MAST3: variants seen among roughly 807,000 people sequenced by gnomAD.
MAST3 encodes the protein microtubule associated serine/threonine kinase 3.
MAST3 carries 43 observed loss-of-function variants against 127.0 expected under a neutral mutation model. The observed-to-expected ratio is 0.34, with a 90% confidence interval of 0.27 to 0.44. The LOEUF (loss-of-function observed/expected upper bound fraction) is 0.44, where lower values mean the gene tolerates loss of function less well. MAST3 is among the 20% of genes least tolerant of loss of function. The pLI is 1.00. For synonymous variants in MAST3, 785 were observed against 809.2 expected (o/e 0.97, Z 0.51); for missense variants, 1,390 against 1,919.1 (o/e 0.72, Z 5.15).
chr19:18,116,357 A>G (rs894083175), intron 3 of MAST3, among the ~76,000 whole-genome samples: 3 of 150,356 alleles, frequency 2.0e-5, no homozygotes, highest in South Asian at 4.2e-4. Context: ...CAATGGTGCT[A>G]TCTCAGCTCA....
chr19:18,146,626 G>A (rs1237760376), intron 25 of MAST3, among the ~76,000 whole-genome samples: 3 of 152,128 alleles, frequency 2.0e-5, no homozygotes, highest in Middle Eastern at 3.2e-3. Context: ...GACAGACCCC[G>A]GGAGGGTGGA....
intron 5 of MAST3, chr19:18,122,145 A>C (rs1041196170): frequency 1.3e-6 from 1 of 749,248 alleles, no homozygotes; most frequent in African/African-American, 1.8e-5. Flanking sequence ...CAACCAGCCC[A>C]GGGGGTGGGG....
intron 3 of MAST3, chr19:18,117,955 GCCCCGCCCCC>G (rs2039473657): frequency 4.6e-6 from 1 of 217,164 alleles, no homozygotes; most frequent in African/African-American, 2.4e-5. Flanking sequence ...CTCCCGACAG[GCCCCGCCCCC>G]AACGGCCCCG....
chr19:18,147,381 G>T, intron 26 of MAST3, 62 bp from the exon 27 acceptor site: 1 of 1,474,310 alleles, frequency 6.8e-7, no homozygotes, highest in East Asian at 2.3e-5. Flanking sequence ...GGGATTACAG[G>T]TGTGAGCCAC....
In MAST3 at chr19:18,145,090, G is replaced by T. The variant is rs752684786; in HGVS notation, c.2900G>T (p.Arg967Leu). The change falls in exon 24 of 28, where the codon CGA (arginine) becomes CTA (leucine). Residue 967 changes from arginine to leucine, a missense_variant. Arg to Leu is a moderately radical substitution (Grantham distance 102, BLOSUM62 -2). This residue lies in a region of MAST3 where 816 missense variants were observed against 934.1 expected (regional missense o/e 0.87). Transcript: ENST00000687212. This position sits in a 1 kb window ranked among gnomAD's most constrained non-coding sequence, Gnocchi z 5.9. ...TCGTCCCGTGACTCTTCGCCGAGCC[G>T]AGACCCGTCCCCCGTGTGTGGCAGC... Reference protein sequence around the residue: ...NPSSRDSSPSRDPSPVCGSLR... With the variant: ...NPSSRDSSPSLDPSPVCGSLR... 6.2e-7 allele frequency: 1 copy of T among 1,613,404 alleles called. No individual in the cohort carries two copies. The highest frequency in any genetic ancestry group is 1.7e-5 in the Admixed American group (1 of 59,994).
At chr19:18,146,440 C>T (rs2043019744) in intron 25 of MAST3, among the ~76,000 whole-genome samples, 1 of 152,090 alleles carries the variant, frequency 6.6e-6, no homozygotes, top group Admixed American at 6.6e-5. Context: ...GAGTGAGACC[C>T]TCCCTGGTTC....
rs2043330046 is a variant in MAST3, at chr19:18,149,106, TAGCAG to T, written c.3509-84_3509-80del. 2 of 1,349,496 alleles carry T rather than the reference TAGCAG, an allele frequency of 1.5e-6. No homozygotes were observed. Among genetic ancestry groups the T allele is most frequent in the Admixed American group, 7.4e-5 (2 of 26,984 alleles). 83.6% of individuals were successfully genotyped at this position (1,349,496 alleles called of 1,614,324 possible). ...TGGCCACATGGAAGGATGTGGGCTT[TAGCAG>T]TTTTTGTCAGTCCCACAGCTCCACT... On this transcript the variant is annotated intron_variant, in intron 27 of 27. Transcript: ENST00000687212. This position sits in a 1 kb window ranked among gnomAD's most constrained non-coding sequence, Gnocchi z 5.9.
intron 17 of MAST3, 71 bp from the exon 18 acceptor site, chr19:18,135,669 T>C (rs1199709010): frequency 1.2e-4 from 138 of 1,135,226 alleles, no homozygotes; most frequent in Non-Finnish European, 3.9e-6. Flanking sequence ...GGGGAAATGG[T>C]GGATGGTACT....
chr19:18,134,646 A>T lies in MAST3; in HGVS notation c.1639A>T (p.Ser547Cys). 1.2e-6 allele frequency: 2 copies of T among 1,613,482 alleles called. No individual in the cohort carries two copies. The highest frequency in any genetic ancestry group is 1.7e-6 in the Non-Finnish European group (2 of 1,179,714). The stretch of plus-strand genomic sequence containing the variant: ...CGGCCTGTCCAAGATCGGCCTCATG[A>T]GCATGGCCACCAACCTCTATGAGGG... ...DFGLSKIGLM[S>C]MATNLYEGHI... is the part of the protein sequence containing the mutation. The change falls in exon 16 of 28, where the codon AGC becomes TGC. Residue 547 changes from serine to cysteine, a missense_variant. Physicochemically the swap from Ser to Cys is moderately radical, Grantham distance 112. Coordinates refer to ENST00000687212, the MANE Select transcript of MAST3 (RefSeq NM_001393504.1).
chr19:18,123,165 CCA>C, intron 6 of MAST3, 50 bp from the exon 7 acceptor site: 1 of 1,599,624 alleles, frequency 6.3e-7, no homozygotes, highest in Non-Finnish European at 8.5e-7. Context: ...GGGTTCCTGG[CCA>C]CAGCACTGAC....
In MAST3 at chr19:18,097,786, C is replaced by A; in HGVS notation, c.-7C>A. On this transcript the variant is annotated 5_prime_UTR_variant, in exon 1 of 28. Coordinates refer to ENST00000687212, the MANE Select transcript of MAST3 (RefSeq NM_001393504.1). ...GGGGCGGGCCTGGCGGCGCGGACTC[C>A]CGGGCCATGGACGAGTCGAGCCTCC... The A allele has an allele frequency of 8.2e-7, 1 of 1,219,192 alleles. No individual in the cohort carries two copies. The highest frequency in any genetic ancestry group is 1.0e-6 in the Non-Finnish European group (1 of 979,980). 75.5% of individuals were successfully genotyped at this position (1,219,192 alleles called of 1,614,324 possible). A position where few individuals can be genotyped will look rare whatever the true frequency, so the allele number is the denominator to read the frequency against.
chr19:18,105,292 G>A (rs112982174), intron 1 of MAST3, among the ~76,000 whole-genome samples: 6 of 152,188 alleles, frequency 3.9e-5, no homozygotes, highest in African/African-American at 1.2e-4. Context: ...GCTTGAACCC[G>A]AGAGGCAGAG....
chr19:18,122,886 C>T, intron 6 of MAST3, 135 bp downstream of exon 6: 1 of 1,002,348 alleles, frequency 1.0e-6, no homozygotes, highest in Non-Finnish European at 1.5e-6. Flanking sequence ...CCATGCACGC[C>T]CCATTCTGGG....
Position 18,122,760 on chromosome 19 carries a change from A to T in MAST3, c.399+9A>T, listed in dbSNP as rs375719384. On this transcript the variant is annotated intron_variant, in intron 6 of 27. Coordinates refer to ENST00000687212, the MANE Select transcript of MAST3 (RefSeq NM_001393504.1). ...CCAGCTCCACCCTCTCGGTACCCAT[A>T]GCCCCACCTTGGCAGGTGGACAGGC... 3 of 1,612,202 alleles carry T rather than the reference A, an allele frequency of 1.9e-6. No individual in the cohort carries two copies. The highest frequency in any genetic ancestry group is 1.7e-6 in the Non-Finnish European group (2 of 1,179,180).
In MAST3 at chr19:18,149,728, C is replaced by T. The variant is rs749658785; in HGVS notation, c.*2C>T. The T allele has an allele frequency of 6.2e-6, 10 of 1,611,504 alleles. No homozygotes were observed. In the African/African-American group the frequency reaches 8.0e-5, roughly 13 times the overall value. On this transcript the variant is annotated 3_prime_UTR_variant, in exon 28 of 28. Coordinates refer to ENST00000687212, the MANE Select transcript of MAST3 (RefSeq NM_001393504.1). The surrounding 1 kb of genome is among the most constrained non-coding windows in gnomAD (Gnocchi z 5.9). The stretch of plus-strand genomic sequence containing the variant: ...CTCGGGCCCACCGGAAGAGACTGAT[C>T]CCCTGCCAGGTCTCTCCCTGGCATC...
At chr19:18,123,427 G>A in intron 7 of MAST3, 53 bp downstream of exon 7, 1 of 1,549,606 alleles carries the variant, frequency 6.5e-7, no homozygotes, top group Middle Eastern at 1.7e-4. Context: ...CTGGTGTGGA[G>A]GCCCAAGTTG....
chr19:18,121,965 G>T (rs2040031220), intron 5 of MAST3, 43 bp downstream of exon 5: 1 of 1,609,524 alleles, frequency 6.2e-7, no homozygotes, highest in Admixed American at 1.7e-5. Flanking sequence ...GGCACCACGG[G>T]CAAGGGTTGG....
chr19:18,131,665 C>A (rs2041301764), intron 14 of MAST3, among the ~76,000 whole-genome samples: 2 of 150,326 alleles, frequency 1.3e-5, no homozygotes, highest in Non-Finnish European at 3.0e-5. Flanking sequence ...CGCCACTGCA[C>A]TCCAGCCTGG....
chr19:18,135,519 T>C (rs1397019695), intron 17 of MAST3, among the ~76,000 whole-genome samples: 1 of 151,800 alleles, frequency 6.6e-6, no homozygotes, highest in Non-Finnish European at 1.5e-5. Context: ...AACCTGAGAA[T>C]GAGAGAAAGC....
Sources: gnomAD v4.1 joint callset for allele counts (sites outside exome capture counted in the v4.1 genomes callset) on GRCh38, gnomAD v4.1.1 for gene constraint, gnomAD v4.1.1 regional missense constraint, Gnocchi (gnomAD v3.1) non-coding constraint, MANE v1.5 for transcripts, NCBI Gene and HGNC (gene_info 2026-07-23, HGNC 2026-07-21) for gene names.